The following AFAP1L2 variants were observed in gnomAD, a reference collection of about 807,000 sequenced individuals.
AFAP1L2 encodes the protein actin filament associated protein 1 like 2.
In AFAP1L2, 46 loss-of-function variants were observed where a neutral mutation model predicts 99.3. That is an observed-to-expected ratio of 0.46 (90% CI 0.37 to 0.59). The LOEUF (loss-of-function observed/expected upper bound fraction) is 0.59. Among genes scored for constraint, AFAP1L2 ranks in the 20% least tolerant of loss-of-function variants. The probability of loss-of-function intolerance (pLI) is 0.00; values close to 1 mark genes in which losing one functional copy is unlikely to be tolerated. For missense variants in AFAP1L2, 959 were observed against 1,034.9 expected (o/e 0.93, Z 1.01); for synonymous variants, 397 against 419.1 (o/e 0.95, Z 0.64).
At chr10:114,388,286 AACAC>A (rs57067006) in intron 1 of AFAP1L2, among the ~76,000 whole-genome samples, 1 of 150,080 alleles carries the variant, frequency 6.7e-6, no homozygotes, top group Non-Finnish European at 1.5e-5. Context: ...AGCCCTCATG[AACAC>A]ACACACACAC....
At chr10:114,375,001 G>T (rs2054613553) in intron 1 of AFAP1L2, among the ~76,000 whole-genome samples, 2 of 152,132 alleles carry the variant, frequency 1.3e-5, no homozygotes, top group South Asian at 4.2e-4. Context: ...GTCAGGTCAG[G>T]CATTACTCGG....
chr10:114,349,142 C>T (rs370906890), intron 1 of AFAP1L2, among the ~76,000 whole-genome samples: 8 of 151,950 alleles, frequency 5.3e-5, no homozygotes, highest in African/African-American at 1.9e-4. Flanking sequence ...CTTTGGGAGG[C>T]CGAGGTGGAT....
upstream of AFAP1L2, chr10:114,404,848 G>C (rs1448461234): frequency 1.5e-5 from 3 of 201,706 alleles, no homozygotes; most frequent in Non-Finnish European, 2.0e-5. Context: ...CCGGGCTTGG[G>C]TGGGCCTCCA....
chr10:114,381,748 G>A lies in AFAP1L2; in HGVS notation c.16+22692C>T, dbSNP rs144257979. 2.6e-3 allele frequency among the ~76,000 whole-genome samples: 395 copies of A among 152,004 alleles called. 5 individuals are homozygous for A. The highest frequency in any genetic ancestry group is 9.0e-3 in the African/African-American group (374 of 41,488). On this transcript the variant is annotated intron_variant, in intron 1 of 18. Transcript: ENST00000304129. ...AAAACAAGTCAAAAGATAAGAAACTGGAGAAATCTTTGCAACTCATACTTA... is the reference window on the plus strand; with the variant it reads ...AAAACAAGTCAAAAGATAAGAAACTAGAGAAATCTTTGCAACTCATACTTA...
intron 1 of AFAP1L2, among the ~76,000 whole-genome samples, chr10:114,367,352 A>G (rs2053430456): frequency 6.6e-6 from 1 of 152,176 alleles, no homozygotes. Context: ...AACTTGTTAC[A>G]GAGAGCAAAT....
the AFAP1L2 span, chr10:114,285,816 C>T: frequency 3.6e-6 from 4 of 1,102,418 alleles, no homozygotes; most frequent in South Asian, 6.7e-5. Flanking sequence ...GTCACTTAAG[C>T]TTGGGGGGCC....
At chr10:114,391,091 C>T (rs965799279) in intron 1 of AFAP1L2, among the ~76,000 whole-genome samples, 3 of 152,190 alleles carry the variant, frequency 2.0e-5, no homozygotes, top group Admixed American at 1.3e-4. Context: ...TCTCTCCTTT[C>T]TGCCAGCTGC....
chr10:114,331,897 G>A lies in AFAP1L2; in HGVS notation c.221C>T (p.Ala74Val), dbSNP rs1032065842. Residue 74 changes from alanine (A) to valine (V), a missense_variant and splice_region_variant, in exon 4 of 19, where the codon GCG (alanine) becomes GTG (valine). Ala to Val is a moderately conservative substitution (Grantham distance 64, BLOSUM62 0). Around this residue, in one of 2 missense-constraint regions of AFAP1L2, gnomAD observed 383 missense variants for 472.8 expected, o/e 0.81. Transcript: ENST00000304129. The part of the protein sequence containing the change: ...KQQNAESQGK[A>V]PEEQGLLPNG... Reference sequence around the variant, plus strand: ...GGGTAGCAGGCCCTGCTCCTCAGGCGCTGCGGGCAGCAAAAGGAAAAGGCT... The same window carrying A: ...GGGTAGCAGGCCCTGCTCCTCAGGCACTGCGGGCAGCAAAAGGAAAAGGCT... 6.2e-6 allele frequency: 8 copies of A among 1,300,052 alleles called. No individual in the cohort carries two copies. Among genetic ancestry groups the A allele is most frequent in the Admixed American group, 4.0e-5 (1 of 25,162 alleles). 80.5% of individuals were successfully genotyped at this position (1,300,052 alleles called of 1,614,324 possible).
At chr10:114,329,538 C>T (rs781644287) in intron 4 of AFAP1L2, among the ~76,000 whole-genome samples, 44 of 152,190 alleles carry the variant, frequency 2.9e-4, no homozygotes, top group African/African-American at 9.7e-4. Flanking sequence ...CAGAATCAGA[C>T]GCTGGATTTA....
At chr10:114,322,481 A>C (rs1369164333) in intron 5 of AFAP1L2, among the ~76,000 whole-genome samples, 1 of 152,086 alleles carries the variant, frequency 6.6e-6, no homozygotes, top group Admixed American at 6.5e-5. Context: ...CTCTGTCTGG[A>C]AAGTTCTTCC....
intron 1 of AFAP1L2, among the ~76,000 whole-genome samples, chr10:114,365,711 T>TTCTC (rs201680088): frequency 7.2e-6 from 1 of 138,778 alleles, no homozygotes; most frequent in African/African-American, 2.5e-5. Context: ...TCTTTTTTCT[T>TTCTC]TCTCTCTCTC....
chr10:114,300,676 C>G lies in AFAP1L2; in HGVS notation c.1557G>C (p.Glu519Asp). The G allele has an allele frequency of 6.3e-7, 1 of 1,593,162 alleles. No homozygotes were observed. The highest frequency in any genetic ancestry group is 8.6e-7 in the Non-Finnish European group (1 of 1,168,666). The change falls in exon 14 of 19, where the codon GAG becomes GAC. Residue 519 changes from glutamate to aspartate, a missense_variant. Transcript: ENST00000304129. ...SELTAAVEPT[E>D]EATPVADDPN... is the part of the protein sequence containing the mutation. ...GGTCATCTGCAACAGGGGTGGCTTC[C>G]TCGGTAGGCTCCACCTGCAGGAGAG...
intron 1 of AFAP1L2, among the ~76,000 whole-genome samples, chr10:114,367,223 G>A (rs1022890690): frequency 6.6e-6 from 1 of 152,174 alleles, no homozygotes; most frequent in Non-Finnish European, 1.5e-5. Context: ...CAAAAGGCAA[G>A]AAGACAAATA....
downstream of AFAP1L2, among the ~76,000 whole-genome samples, chr10:114,292,609 G>A (rs182969075): frequency 2.7e-3 from 407 of 150,752 alleles, 3 homozygotes; most frequent in African/African-American, 9.2e-3. Context: ...TATCGCTGCA[G>A]TATTTAGGAA....
intron 1 of AFAP1L2, among the ~76,000 whole-genome samples, chr10:114,390,583 T>G (rs951463139): frequency 2.2e-4 from 33 of 152,072 alleles, no homozygotes; most frequent in Admixed American, 2.2e-3. Flanking sequence ...TAGCCAGGCA[T>G]GGTGGCACGC....
At chr10:114,300,921 A>G (rs937950795) in intron 13 of AFAP1L2, among the ~76,000 whole-genome samples, 3 of 152,180 alleles carry the variant, frequency 2.0e-5, no homozygotes, top group African/African-American at 7.2e-5. Context: ...TAAAGAGGAA[A>G]AGAGCAGCAT....
intron 4 of AFAP1L2, 34 bp downstream of exon 4, chr10:114,331,769 T>C: frequency 7.6e-7 from 1 of 1,313,952 alleles, no homozygotes. Context: ...GGGGCTCACG[T>C]CAGGGAAATC....
At chr10:114,284,955 G>T in the AFAP1L2 span, 1 of 1,601,452 alleles carries the variant, frequency 6.2e-7, no homozygotes, top group Non-Finnish European at 8.5e-7. Context: ...GGCCTTTGGA[G>T]GGGAGGCTAA....
At chr10:114,337,890 C>G (rs369870769) in intron 2 of AFAP1L2, among the ~76,000 whole-genome samples, 15 of 152,178 alleles carry the variant, frequency 9.9e-5, no homozygotes, top group Non-Finnish European at 7.4e-5. Context: ...GTGAATCATC[C>G]CCCTCCAACC....
Sources: allele counts gnomAD v4.1 joint callset (sites outside exome capture counted in the v4.1 genomes callset), GRCh38; gene constraint gnomAD v4.1.1; regional missense constraint gnomAD v4.1.1; transcripts MANE v1.5; gene names NCBI Gene and HGNC (gene_info 2026-07-23, HGNC 2026-07-21).